The following KATNA1 variants were observed in gnomAD, a reference collection of about 807,000 sequenced individuals.
KATNA1 encodes katanin catalytic subunit A1.
In KATNA1, 42 loss-of-function variants were observed where a neutral mutation model predicts 62.6. That is an observed-to-expected ratio of 0.67 (90% CI 0.52 to 0.87). The LOEUF is 0.87. Ranked by LOEUF, KATNA1 falls within the 40% of genes least tolerant of loss-of-function variation. KATNA1 has a pLI of 0.00. For synonymous variants in KATNA1, 186 were observed against 201.9 expected (o/e 0.92, Z 0.67); for missense variants, 498 against 612.5 (o/e 0.81, Z 1.97).
Position 149,623,401 on chromosome 6 carries a change from C to T in KATNA1, c.321-118G>A, listed in dbSNP as rs141201918. 2.2e-3 allele frequency: 1,421 copies of T among 647,256 alleles called. 3 individuals are homozygous for T. Among genetic ancestry groups the T allele is most frequent in the Non-Finnish European group, 3.2e-3 (1,297 of 409,724 alleles). 40.1% of individuals were successfully genotyped at this position (647,256 alleles called of 1,614,324 possible). On this transcript the variant is annotated intron_variant, in intron 3 of 10. Transcript: ENST00000367411. The stretch of plus-strand genomic sequence containing the variant: ...GCCAATGCAACAACTGAACACAAGA[C>T]ACGACTGAATAAACTTCAGGATGTT...
intron 1 of KATNA1, among the ~76,000 whole-genome samples, chr6:149,646,266 G>T (rs777104410): frequency 6.6e-6 from 1 of 151,974 alleles, no homozygotes; most frequent in Non-Finnish European, 1.5e-5. Context: ...AGTAAGAGAA[G>T]ACAAACATAG....
chr6:149,644,050 C>G (rs1343118908), intron 1 of KATNA1, among the ~76,000 whole-genome samples: 1 of 151,940 alleles, frequency 6.6e-6, no homozygotes, highest in Non-Finnish European at 1.5e-5. Flanking sequence ...TCAGCATGGT[C>G]ACATTCTTGA....
At chr6:149,635,851 G>T (rs907700015) in intron 2 of KATNA1, among the ~76,000 whole-genome samples, 1 of 151,818 alleles carries the variant, frequency 6.6e-6, no homozygotes, top group African/African-American at 2.4e-5. Context: ...GAGGTCAGGA[G>T]TTTGAGACCA....
Position 149,595,639 on chromosome 6 carries a change from T to C in KATNA1, c.1278-405A>G, listed in dbSNP as rs1453268117. Among the ~76,000 whole-genome samples, 9 of 151,860 alleles carry C rather than the reference T, an allele frequency of 5.9e-5. No individual in the cohort carries two copies. The South Asian group carries it at 1.0e-3, about 18-fold the overall frequency. ...GAGGAAAAGCTAGGTAAGTTCAGGG[T>C]TTCTCCTTTTCTCATTTGTGTTAAA... On this transcript the variant is annotated intron_variant, in intron 10 of 10. Transcript: ENST00000367411.
intron 2 of KATNA1, among the ~76,000 whole-genome samples, chr6:149,635,100 A>G (rs1302620754): frequency 2.0e-5 from 3 of 152,152 alleles, no homozygotes; most frequent in Non-Finnish European, 4.4e-5. Flanking sequence ...CTTGGGCAAC[A>G]TAACAATAAC....
In KATNA1 at chr6:149,632,914, A is replaced by C. The variant is rs1779906663; in HGVS notation, c.165T>G (p.Val55=). 5 of 1,599,602 alleles carry C rather than the reference A, an allele frequency of 3.1e-6. No homozygotes were observed. Among genetic ancestry groups the C allele is most frequent in the Non-Finnish European group, 2.6e-6 (3 of 1,176,216 alleles). The part of the protein sequence containing the change: ...DTYLQQKWQQ[V]WQEINVEAKH... ...TAGCTTCCACATTTATTTCCTGCCA[A>C]ACCTGATTTCAAAGAAGAAGATGGA... Residue 55 remains valine (V), a splice_region_variant and synonymous_variant, in exon 3 of 11, where the codon GTT becomes GTG. Coordinates refer to ENST00000367411, the MANE Select transcript of KATNA1 (RefSeq NM_007044.4).
At chr6:149,641,104 G>A (rs137936632) in intron 1 of KATNA1, among the ~76,000 whole-genome samples, 193 of 149,634 alleles carry the variant, frequency 1.3e-3, no homozygotes, top group African/African-American at 4.5e-3. Flanking sequence ...TCCCGATCTC[G>A]GGTGATCTGC....
At chr6:149,637,558 G>A (rs1780113666) in intron 2 of KATNA1, among the ~76,000 whole-genome samples, 1 of 152,170 alleles carries the variant, frequency 6.6e-6, no homozygotes. Flanking sequence ...TAGGCGTGGT[G>A]GCTCATGCCT....
At chr6:149,638,726 CATT>C (rs1780163132) in intron 1 of KATNA1, 166 bp from the exon 2 acceptor site, 134 of 175,198 alleles carry the variant, frequency 7.6e-4, no homozygotes, top group East Asian at 2.0e-3. Flanking sequence ...TTAAAAAAAA[CATT>C]GTTTTTTTTT....
At chr6:149,625,115 A>G (rs988895429) in intron 3 of KATNA1, among the ~76,000 whole-genome samples, 1 of 152,204 alleles carries the variant, frequency 6.6e-6, no homozygotes, top group African/African-American at 2.4e-5. Flanking sequence ...TTCGGTCCAT[A>G]GAAGATATGA....
chr6:149,597,134 A>G lies in KATNA1; in HGVS notation c.1206T>C (p.Asp402=). The change falls in exon 10 of 11, where the codon GAT becomes GAC. Residue 402 remains aspartate, a synonymous_variant. Coordinates refer to ENST00000367411, the MANE Select transcript of KATNA1 (RefSeq NM_007044.4). The part of the protein sequence containing the change: ...RISLRELELA[D]DVDLASIAEN... ...CTGCTATACTTGCAAGGTCAACATC[A>G]TCAGCCAATTCCAACTCACGTAGAC... 1 of 1,614,172 alleles carries G rather than the reference A, an allele frequency of 6.2e-7. No homozygotes were observed. The highest frequency in any genetic ancestry group is 1.1e-5 in the South Asian group (1 of 91,078).
At chr6:149,603,514 C>G in intron 5 of KATNA1, 141 bp from the exon 6 acceptor site, 1 of 517,690 alleles carries the variant, frequency 1.9e-6, no homozygotes, top group Non-Finnish European at 3.4e-6. Flanking sequence ...AACTAATGCA[C>G]TGTGATGAGG....
rs1333202302 is a variant in KATNA1, at chr6:149,597,331, T to C, written c.1151-142A>G. The C allele has an allele frequency of 8.2e-6, 10 of 1,217,736 alleles. No homozygotes were observed. In the Admixed American group the frequency reaches 2.4e-4, roughly 29 times the overall value. The allele number at this position is 1,217,736 out of a possible 1,614,324, so 75.4% of individuals were successfully genotyped here. Reference sequence around the variant, plus strand: ...GAGATAATTAAGTAAAGAGCCATTCTTTACTTTTTAATTCCTTACTATTTA... The same window carrying C: ...GAGATAATTAAGTAAAGAGCCATTCCTTACTTTTTAATTCCTTACTATTTA... On this transcript the variant is annotated intron_variant, in intron 9 of 10. Transcript: ENST00000367411.
Position 149,603,340 on chromosome 6 carries a change from CT to C in KATNA1, c.656del (p.Lys219SerfsTer7). Reference sequence around the variant, plus strand: ...GTAACACTACGGCTTCCTTAAGCAACTTTTTAGCTTCTACTAAATCAGCGAT... The same window carrying C: ...GTAACACTACGGCTTCCTTAAGCAACTTTTAGCTTCTACTAAATCAGCGAT... The part of the protein sequence containing the change: ...DDIADLVEAK[K>X]LLKEAVVLPM... On this transcript the variant is annotated frameshift_variant, in exon 6 of 11. Coordinates refer to ENST00000367411, the MANE Select transcript of KATNA1 (RefSeq NM_007044.4). LOFTEE classifies it high-confidence loss of function. 6.3e-7 allele frequency: 1 copy of C among 1,597,524 alleles called. No homozygotes were observed. The highest frequency in any genetic ancestry group is 8.6e-7 in the Non-Finnish European group (1 of 1,167,894).
chr6:149,645,871 GAA>G (rs1208470426), intron 1 of KATNA1, among the ~76,000 whole-genome samples: 1 of 151,806 alleles, frequency 6.6e-6, no homozygotes, highest in East Asian at 1.9e-4. Context: ...TCTCCACAGA[GAA>G]AGTTTTTTTT....
At position 149,632,793 on chromosome 6, in the gene KATNA1, C is replaced by T. The variant is rs758929490; in HGVS notation, c.286G>A (p.Glu96Lys). 3.7e-5 allele frequency: 59 copies of T among 1,613,512 alleles called. No homozygotes were observed. The Middle Eastern group carries it at 6.6e-4, about 18-fold the overall frequency. Reference sequence around the variant, plus strand: ...ACAGGTACAGGCATGGACCAGACTTCTCCCTCAGAAGCTGGAAGGTCATGC... The same window carrying T: ...ACAGGTACAGGCATGGACCAGACTTTTCCCTCAGAAGCTGGAAGGTCATGC... ...AQHDLPASEGEVWSMPVPVER... is the reference protein window; with the variant it reads ...AQHDLPASEGKVWSMPVPVER... The change falls in exon 3 of 11, where the codon GAA becomes AAA. Residue 96 changes from glutamate (E) to lysine (K), a missense_variant. Around this residue, in one of 3 missense-constraint regions of KATNA1, gnomAD observed 203 missense variants for 198.4 expected, o/e 1.02. Coordinates refer to ENST00000367411, the MANE Select transcript of KATNA1 (RefSeq NM_007044.4).
At chr6:149,603,125 A>G in intron 6 of KATNA1, 143 bp downstream of exon 6, 1 of 475,340 alleles carries the variant, frequency 2.1e-6, no homozygotes, top group Non-Finnish European at 3.7e-6. Context: ...CAAAATTCTC[A>G]GTAGCACAAC....
intron 3 of KATNA1, among the ~76,000 whole-genome samples, chr6:149,628,418 A>AT (rs950611609): frequency 1.3e-5 from 2 of 151,844 alleles, no homozygotes; most frequent in Non-Finnish European, 2.9e-5. Flanking sequence ...CTGTACTCAC[A>AT]TTTTTTGTGT....
At chr6:149,638,897 C>T (rs540072925) in intron 1 of KATNA1, among the ~76,000 whole-genome samples, 6 of 151,974 alleles carry the variant, frequency 3.9e-5, no homozygotes, top group South Asian at 2.1e-4. Flanking sequence ...CCGCCATGCC[C>T]GGCTAATTTT....
Sources: gnomAD v4.1 joint callset for allele counts (sites outside exome capture counted in the v4.1 genomes callset) on GRCh38, gnomAD v4.1.1 for gene constraint, gnomAD v4.1.1 regional missense constraint, MANE v1.5 for transcripts, NCBI Gene and HGNC (gene_info 2026-07-23, HGNC 2026-07-21) for gene names.